Variants in OTUD7A observed in about 807,000 individuals in gnomAD.
The protein encoded by OTUD7A is OTU domain-containing protein 7A.
OTUD7A carries 12 observed loss-of-function variants against 65.7 expected under a neutral mutation model. The observed-to-expected ratio is 0.18, with a 90% CI of 0.12 to 0.30. The LOEUF (loss-of-function observed/expected upper bound fraction) is 0.30, where lower values mean the gene tolerates loss of function less well. Among genes scored for constraint, OTUD7A ranks in the 10% least tolerant of loss-of-function variants. OTUD7A has a pLI of 1.00. For synonymous variants in OTUD7A, 641 were observed against 586.3 expected (o/e 1.09, Z -1.35); for missense variants, 1,148 against 1,304.8 (o/e 0.88, Z 1.85).
At position 31,489,258 on chromosome 15, in the gene OTUD7A, G is replaced by C. The variant is rs146138954; in HGVS notation, c.1172-1692C>G. ...AGTTCCAAGCCCCCATGAATGGATG[G>C]GCCAAACCAAAGTGTCCAGGAAAGG... is the stretch of plus-strand genomic sequence containing the variant. On this transcript the variant is annotated intron_variant, in intron 10 of 12. Coordinates refer to ENST00000307050, the MANE Select transcript of OTUD7A (RefSeq NM_001382637.1). 9.6e-3 allele frequency among the ~76,000 whole-genome samples: 1,464 copies of C among 152,270 alleles called. 20 individuals are homozygous for C. Among genetic ancestry groups the C allele is most frequent in the African/African-American group, 0.033 (1,385 of 41,540 alleles).
chr15:31,846,387 G>A (rs1299884088), intron 1 of OTUD7A, among the ~76,000 whole-genome samples: 2 of 152,174 alleles, frequency 1.3e-5, no homozygotes, highest in Non-Finnish European at 2.9e-5. Flanking sequence ...ATGTTGCCAA[G>A]GACTAAGTTA....
chr15:31,609,863 G>A (rs1204759297), intron 3 of OTUD7A, among the ~76,000 whole-genome samples: 1 of 151,628 alleles, frequency 6.6e-6, no homozygotes, highest in Non-Finnish European at 1.5e-5. Context: ...GGCATCCATC[G>A]CTGAGAGACC....
chr15:31,580,282 G>C (rs1269586690), intron 3 of OTUD7A, among the ~76,000 whole-genome samples: 1 of 152,160 alleles, frequency 6.6e-6, no homozygotes, highest in Admixed American at 6.5e-5. Context: ...GGGAGGATGA[G>C]ATGCCAGGAG....
At chr15:31,676,405 C>A (rs34339054) in intron 1 of OTUD7A, among the ~76,000 whole-genome samples, 26,609 of 152,106 alleles carry the variant, frequency 0.17, 2,589 homozygotes, top group East Asian at 0.25. Context: ...TCTGCTTTAC[C>A]AGTTTTTCCT....
chr15:31,654,834 G>A lies in OTUD7A; in HGVS notation c.151+262C>T, dbSNP rs752891067. Among the ~76,000 whole-genome samples, 11 of 152,118 alleles carry A rather than the reference G, an allele frequency of 7.2e-5. No homozygotes were observed. The South Asian group carries it at 8.3e-4, about 12-fold the overall frequency. On this transcript the variant is annotated intron_variant, in intron 3 of 12. Transcript: ENST00000307050. ...AAAAACCCTGGCCTAGAGTATTTTC[G>A]TCTCCGCTAACACAGAGATATGAAA... is the stretch of plus-strand genomic sequence containing the variant.
At position 31,807,534 on chromosome 15, in the gene OTUD7A, G is replaced by C. The variant is rs374064930; in HGVS notation, c.-100+62973C>G. ...GAAAAATTCCCAGTCTCCTACCTGG[G>C]GAGCTGGCAGTTAAGATCCCCAGCT... On this transcript the variant is annotated intron_variant, in intron 1 of 12. Coordinates refer to ENST00000307050, the MANE Select transcript of OTUD7A (RefSeq NM_001382637.1). 2.7e-4 allele frequency among the ~76,000 whole-genome samples: 41 copies of C among 152,208 alleles called. No homozygotes were observed. The South Asian group carries it at 7.7e-3, about 29-fold the overall frequency.
rs552049798 is a variant in OTUD7A, at chr15:31,677,617, C to T, written c.-99-20540G>A. Among the ~76,000 whole-genome samples the T allele has an allele frequency of 3.3e-5, 5 of 152,264 alleles. No homozygotes were observed. In the East Asian group the frequency reaches 9.7e-4, roughly 29 times the overall value. ...ATTTCCCCTGCTTGTATTTCTCCTT[C>T]CCGCTGTCCTGTAAAGAAGGTATCT... On this transcript the variant is annotated intron_variant, in intron 1 of 12. Coordinates refer to ENST00000307050, the MANE Select transcript of OTUD7A (RefSeq NM_001382637.1).
At chr15:31,553,046 G>A (rs2141149398) in intron 5 of OTUD7A, among the ~76,000 whole-genome samples, 1 of 152,296 alleles carries the variant, frequency 6.6e-6, no homozygotes, top group African/African-American at 2.4e-5. Context: ...ACCTTTCTCT[G>A]TATCAAGCAC....
chr15:31,826,283 G>A (rs1453698511), intron 1 of OTUD7A, among the ~76,000 whole-genome samples: 1 of 152,226 alleles, frequency 6.6e-6, no homozygotes, highest in East Asian at 1.9e-4. Context: ...CTAGGTGGAG[G>A]TTCTCAAACC....
chr15:31,744,133 A>G (rs961783333), intron 1 of OTUD7A, among the ~76,000 whole-genome samples: 1 of 152,190 alleles, frequency 6.6e-6, no homozygotes, highest in Admixed American at 6.5e-5. Context: ...TTATTATGAA[A>G]ATTCTTCCCT....
intron 2 of OTUD7A, among the ~76,000 whole-genome samples, chr15:31,656,397 G>A (rs1891993794): frequency 6.6e-6 from 1 of 152,148 alleles, no homozygotes; most frequent in Admixed American, 6.5e-5. Flanking sequence ...GAAGTTTTAT[G>A]GGAACACAGC....
intron 1 of OTUD7A, among the ~76,000 whole-genome samples, chr15:31,679,405 TG>T (rs1291783990): frequency 3.9e-5 from 6 of 152,200 alleles, no homozygotes; most frequent in African/African-American, 1.4e-4. Flanking sequence ...TGGAATTATA[TG>T]GTTTGGCTAT....
chr15:31,508,216 C>T (rs1200752809), intron 8 of OTUD7A, among the ~76,000 whole-genome samples: 1 of 152,120 alleles, frequency 6.6e-6, no homozygotes, highest in African/African-American at 2.4e-5. Flanking sequence ...GTATAGTAAC[C>T]TAAGATGTTT....
At chr15:31,826,982 T>C (rs1160955651) in intron 1 of OTUD7A, among the ~76,000 whole-genome samples, 2 of 152,262 alleles carry the variant, frequency 1.3e-5, no homozygotes, top group Non-Finnish European at 2.9e-5. Flanking sequence ...GGCAAAGCCA[T>C]TCAACAAGTC....
chr15:31,558,738 A>C lies in OTUD7A; in HGVS notation c.550+231T>G, dbSNP rs762492716. On this transcript the variant is annotated intron_variant, in intron 5 of 12. Transcript: ENST00000307050. ...GGACTGGGATTTAGGAGCAAGGGGA[A>C]AACTCGAGAGATTTCAGCACCACCT... 36 of 589,992 alleles carry C rather than the reference A, an allele frequency of 6.1e-5. 1 individual carries two copies. The highest frequency in any genetic ancestry group is 9.6e-5 in the Non-Finnish European group (32 of 333,458). The allele number at this position is 589,992 out of a possible 1,614,324, so 36.5% of individuals were successfully genotyped here.
chr15:31,776,428 G>T (rs1302125054), intron 1 of OTUD7A, among the ~76,000 whole-genome samples: 1 of 152,168 alleles, frequency 6.6e-6, no homozygotes, highest in Non-Finnish European at 1.5e-5. Flanking sequence ...AAGGCACAGG[G>T]GCAGCCTGCA....
chr15:31,673,176 G>A (rs1204047539), intron 1 of OTUD7A, among the ~76,000 whole-genome samples: 2 of 152,230 alleles, frequency 1.3e-5, no homozygotes, highest in African/African-American at 4.8e-5. Flanking sequence ...GTTAAGTCCA[G>A]AAGCTCCTTG....
intron 1 of OTUD7A, among the ~76,000 whole-genome samples, chr15:31,780,286 T>C (rs1280140130): frequency 6.6e-6 from 1 of 151,718 alleles, no homozygotes; most frequent in African/African-American, 2.4e-5. Flanking sequence ...TTTATTTACA[T>C]GTATATATGC....
intron 1 of OTUD7A, among the ~76,000 whole-genome samples, chr15:31,757,772 G>A (rs1472670): frequency 0.99 from 150,498 of 152,354 alleles, 74,365 homozygotes; most frequent in East Asian, 1. Context: ...ATTAGAATTT[G>A]ATAAGGAAGC....
Sources: allele counts gnomAD v4.1 joint callset (sites outside exome capture counted in the v4.1 genomes callset), GRCh38; gene constraint gnomAD v4.1.1; transcripts MANE v1.5; gene names NCBI Gene and HGNC (gene_info 2026-07-23, HGNC 2026-07-21).